The following PTPRD variants were observed in gnomAD, a reference collection of about 807,000 sequenced individuals.
PTPRD encodes protein tyrosine phosphatase receptor type D.
In PTPRD, 34 loss-of-function variants were observed where a neutral mutation model predicts 214.5. The observed-to-expected ratio is 0.16, with a 90% CI of 0.12 to 0.21. The LOEUF is 0.21. Among genes scored for constraint, PTPRD ranks in the 10% least tolerant of loss-of-function variants. The pLI is 1.00. For synonymous variants in PTPRD, 1,128 were observed against 845.7 expected, an observed-to-expected ratio of 1.33 and a Z score of -5.79; for missense variants, 2,545 against 2,398.7, an observed-to-expected ratio of 1.06 and a Z score of -1.27.
chr9:8,839,869 A>G (rs1309102981), intron 11 of PTPRD, among the ~76,000 whole-genome samples: 3 of 152,222 alleles, frequency 2.0e-5, no homozygotes, highest in Non-Finnish European at 4.4e-5. Context: ...AGTTATGATG[A>G]GGCAAGGTTG....
intron 9 of PTPRD, among the ~76,000 whole-genome samples, chr9:9,272,908 A>T (rs35732671): frequency 1.3e-5 from 2 of 151,420 alleles, no homozygotes; most frequent in East Asian, 3.9e-4. Context: ...GCAACACTGC[A>T]CATACAAGCT....
intron 10 of PTPRD, among the ~76,000 whole-genome samples, chr9:9,165,835 G>A (rs1211184718): frequency 6.6e-6 from 1 of 152,086 alleles, no homozygotes; most frequent in Non-Finnish European, 1.5e-5. Flanking sequence ...AGATACTGAT[G>A]TAGATATAAA....
At chr9:9,462,324 A>T (rs1182744553) in intron 8 of PTPRD, among the ~76,000 whole-genome samples, 1 of 152,170 alleles carries the variant, frequency 6.6e-6, no homozygotes, top group Non-Finnish European at 1.5e-5. Context: ...TGGAACTGAC[A>T]TTCATTTGAA....
At chr9:9,321,932 C>T (rs942314121) in intron 9 of PTPRD, among the ~76,000 whole-genome samples, 1 of 152,124 alleles carries the variant, frequency 6.6e-6, no homozygotes, top group Non-Finnish European at 1.5e-5. Flanking sequence ...CTTTATCGCT[C>T]TCATTAAAAT....
intron 11 of PTPRD, among the ~76,000 whole-genome samples, chr9:8,821,899 G>A (rs781773160): frequency 4.6e-5 from 7 of 152,046 alleles, no homozygotes; most frequent in Admixed American, 2.6e-4. Flanking sequence ...TCCTGACCTC[G>A]TGATCCACCC....
chr9:8,858,303 C>G (rs77301379), intron 11 of PTPRD: 17,523 of 152,950 alleles, frequency 0.11, 1,242 homozygotes, highest in Non-Finnish European at 0.16. Context: ...TTCTTCCCCC[C>G]AAAAGTGAAG....
chr9:9,575,043 G>T (rs1208918482), intron 7 of PTPRD, among the ~76,000 whole-genome samples: 2 of 148,606 alleles, frequency 1.3e-5, no homozygotes, highest in East Asian at 3.9e-4. Flanking sequence ...CTTGCTTCTT[G>T]TAAGACTATA....
intron 3 of PTPRD, among the ~76,000 whole-genome samples, chr9:10,133,635 C>T (rs970943898): frequency 2.6e-5 from 4 of 151,902 alleles, no homozygotes; most frequent in Admixed American, 1.3e-4. Flanking sequence ...ACTATAAGTC[C>T]ACCATAATAA....
intron 11 of PTPRD, among the ~76,000 whole-genome samples, chr9:8,947,520 G>A (rs1273011442): frequency 6.6e-6 from 1 of 151,344 alleles, no homozygotes; most frequent in Non-Finnish European, 1.5e-5. Context: ...AGGTCTGAGT[G>A]TTAGGTTTAG....
At chr9:8,947,920 G>A (rs565964143) in intron 11 of PTPRD, among the ~76,000 whole-genome samples, 3 of 151,922 alleles carry the variant, frequency 2.0e-5, no homozygotes, top group South Asian at 4.2e-4. Flanking sequence ...TCACGAATTG[G>A]TATTACTAGT....
intron 21 of PTPRD, among the ~76,000 whole-genome samples, chr9:8,516,130 T>C (rs994448103): frequency 4.6e-5 from 7 of 152,174 alleles, no homozygotes; most frequent in Admixed American, 3.3e-4. Context: ...TAAAACAGTA[T>C]AATAAAAAGC....
chr9:8,747,097 C>T (rs1486002994), intron 11 of PTPRD, among the ~76,000 whole-genome samples: 1 of 152,114 alleles, frequency 6.6e-6, no homozygotes, highest in Admixed American at 6.6e-5. Context: ...TGTGGTGTAC[C>T]TAACAATGTT....
chr9:9,068,407 A>G (rs1002195793), intron 10 of PTPRD, among the ~76,000 whole-genome samples: 16 of 152,156 alleles, frequency 1.1e-4, no homozygotes, highest in African/African-American at 3.6e-4. Context: ...GTTTACTTTT[A>G]TAAGAAACTG....
rs374871470 is a variant in PTPRD, at chr9:8,798,018, A to G, written c.-103-64072T>C. ...TAACAGAATCTATCTTGCAAGAGAA[A>G]TGGTAACTTGAGTCAAAGCTCAAAG... is the stretch of plus-strand genomic sequence containing the variant. On this transcript the variant is annotated intron_variant, in intron 11 of 45. Transcript: ENST00000381196. Among the ~76,000 whole-genome samples the G allele has an allele frequency of 1.3e-4, 20 of 152,268 alleles. No individual in the cohort carries two copies. In the South Asian group the frequency reaches 4.2e-3, roughly 32 times the overall value.
intron 5 of PTPRD, among the ~76,000 whole-genome samples, chr9:9,878,672 T>G (rs1038193780): frequency 6.6e-6 from 1 of 152,190 alleles, no homozygotes; most frequent in African/African-American, 2.4e-5. Context: ...CAAATAGCAT[T>G]GTTAGAATGA....
chr9:8,858,794 G>GAAA (rs2098019172), intron 11 of PTPRD, among the ~76,000 whole-genome samples: 1 of 80,570 alleles, frequency 1.2e-5, no homozygotes, highest in Non-Finnish European at 2.8e-5. Flanking sequence ...GGTGAAGGAG[G>GAAA]CAACACACAC....
chr9:10,060,803 C>CTTTCTTTCTTTCTTTCTTT (rs1555531077), intron 3 of PTPRD, among the ~76,000 whole-genome samples: 1 of 103,232 alleles, frequency 9.7e-6, no homozygotes, highest in African/African-American at 1.0e-4. Context: ...TTTCTTTCTT[C>CTTTCTTTCTTTCTTTCTTT]CTTTCTTTCT....
intron 34 of PTPRD, among the ~76,000 whole-genome samples, chr9:8,443,259 G>C (rs565704881): frequency 6.6e-6 from 1 of 152,072 alleles, no homozygotes; most frequent in African/African-American, 2.4e-5. Flanking sequence ...AAACAGAAAG[G>C]ACACATCCGG....
At chr9:9,981,769 T>G (rs888065056) in intron 4 of PTPRD, among the ~76,000 whole-genome samples, 1 of 152,126 alleles carries the variant, frequency 6.6e-6, no homozygotes, top group African/African-American at 2.4e-5. Context: ...TTAAAGGCGC[T>G]TTTTGACTCG....
Sources: allele counts gnomAD v4.1 joint callset (sites outside exome capture counted in the v4.1 genomes callset), GRCh38; gene constraint gnomAD v4.1.1; transcripts MANE v1.5; gene names NCBI Gene and HGNC (gene_info 2026-07-23, HGNC 2026-07-21).